Variants in PLCB1 observed in about 807,000 individuals in gnomAD.
PLCB1 encodes 1-phosphatidylinositol 4,5-bisphosphate phosphodiesterase beta-1.
In PLCB1, 46 loss-of-function variants were observed where a neutral mutation model predicts 161.8. The observed-to-expected ratio is 0.28, with a 90% CI of 0.22 to 0.36. The LOEUF (loss-of-function observed/expected upper bound fraction) is 0.36, where lower values mean the gene tolerates loss of function less well. Among genes scored for constraint, PLCB1 ranks in the 10% least tolerant of loss-of-function variants. The probability of loss-of-function intolerance (pLI) is 1.00; values close to 1 mark genes in which losing one functional copy is unlikely to be tolerated. For missense variants in PLCB1, 1,016 were observed against 1,472.5 expected, an observed-to-expected ratio of 0.69 and a Z score of 5.07; for synonymous variants, 517 against 503.7, an observed-to-expected ratio of 1.03 and a Z score of -0.35.
intron 2 of PLCB1, among the ~76,000 whole-genome samples, chr20:8,283,730 A>G (rs1982986451): frequency 6.6e-6 from 1 of 151,994 alleles, no homozygotes; most frequent in Admixed American, 6.6e-5. Flanking sequence ...TGCATCAAAT[A>G]TTTCTCACTA....
intron 2 of PLCB1, among the ~76,000 whole-genome samples, chr20:8,293,959 A>C (rs1280763750): frequency 1.3e-5 from 2 of 152,114 alleles, no homozygotes; most frequent in East Asian, 1.9e-4. Flanking sequence ...CATCTAGAAG[A>C]TCTATTTGAG....
intron 3 of PLCB1, among the ~76,000 whole-genome samples, chr20:8,523,800 G>C (rs1418335951): frequency 6.6e-6 from 1 of 151,848 alleles, no homozygotes; most frequent in African/African-American, 2.4e-5. Flanking sequence ...CTTGTGCATT[G>C]TCAGAGTTGA....
rs117432547 is a variant in PLCB1, at chr20:8,159,111, G to A, written c.177+8740G>A. On this transcript the variant is annotated intron_variant, in intron 2 of 31. Coordinates refer to ENST00000338037, the MANE Select transcript of PLCB1 (RefSeq NM_015192.4). ...ATTTCCCTTCTGCACTGCCCTAGCCGAGACTCTCCATGAGAGCACCACCCC... is the reference window on the plus strand; with the variant it reads ...ATTTCCCTTCTGCACTGCCCTAGCCAAGACTCTCCATGAGAGCACCACCCC... Among the ~76,000 whole-genome samples, 38 of 152,264 alleles carry A rather than the reference G, an allele frequency of 2.5e-4. No homozygotes were observed. In the East Asian group the frequency reaches 6.2e-3, roughly 25 times the overall value.
chr20:8,315,723 C>CTTGTGTCTGCCGGTCTTGCTTA, intron 2 of PLCB1, among the ~76,000 whole-genome samples: 1 of 152,142 alleles, frequency 6.6e-6, no homozygotes, highest in Non-Finnish European at 1.5e-5. Flanking sequence ...TTACATATTT[C>CTTGTGTCTGCCGGTCTTGCTTA]CTGCTATTCT....
At chr20:8,453,754 T>C (rs1374703892) in intron 3 of PLCB1, among the ~76,000 whole-genome samples, 1 of 152,018 alleles carries the variant, frequency 6.6e-6, no homozygotes, top group African/African-American at 2.4e-5. Flanking sequence ...GGATAAACCA[T>C]GTAGAAATCT....
intron 9 of PLCB1, among the ~76,000 whole-genome samples, chr20:8,674,868 T>A (rs1990035881): frequency 6.6e-6 from 1 of 151,954 alleles, no homozygotes; most frequent in African/African-American, 2.4e-5. Context: ...TGGAAAAGAG[T>A]AAGAGGGACT....
chr20:8,531,007 G>T (rs1207431006), intron 3 of PLCB1, among the ~76,000 whole-genome samples: 2 of 151,676 alleles, frequency 1.3e-5, no homozygotes, highest in Non-Finnish European at 2.9e-5. Context: ...ATTTTTATTA[G>T]GTGACAGTAA....
At chr20:8,347,153 A>C (rs573617321) in intron 2 of PLCB1, among the ~76,000 whole-genome samples, 2 of 152,346 alleles carry the variant, frequency 1.3e-5, no homozygotes, top group South Asian at 4.1e-4. Flanking sequence ...AAAAGAATTA[A>C]GAATATGCTG....
chr20:8,470,536 C>G (rs1196588207), intron 3 of PLCB1, among the ~76,000 whole-genome samples: 1 of 152,166 alleles, frequency 6.6e-6, no homozygotes, highest in South Asian at 2.1e-4. Context: ...TGTGCATTTG[C>G]TTACTTTGTT....
At chr20:8,723,456 A>G (rs898956303) in intron 15 of PLCB1, among the ~76,000 whole-genome samples, 8 of 152,186 alleles carry the variant, frequency 5.3e-5, no homozygotes, top group Non-Finnish European at 8.8e-5. Context: ...AAAATGTGAG[A>G]CAATATTAGA....
intron 3 of PLCB1, among the ~76,000 whole-genome samples, chr20:8,608,846 A>AT (rs1191234240): frequency 6.6e-6 from 1 of 152,134 alleles, no homozygotes; most frequent in Non-Finnish European, 1.5e-5. Flanking sequence ...ATTTGAATGA[A>AT]TTCACTATTT....
At chr20:8,398,220 C>T (rs1439350775) in intron 3 of PLCB1, among the ~76,000 whole-genome samples, 2 of 152,034 alleles carry the variant, frequency 1.3e-5, no homozygotes, top group South Asian at 2.1e-4. Context: ...CATGTATATA[C>T]ATACATATAT....
chr20:8,554,400 A>G (rs1251055166), intron 3 of PLCB1, among the ~76,000 whole-genome samples: 1 of 152,204 alleles, frequency 6.6e-6, no homozygotes, highest in African/African-American at 2.4e-5. Context: ...CGGTATAATC[A>G]CATAATGGAA....
chr20:8,702,796 A>C (rs1352749888), intron 11 of PLCB1, among the ~76,000 whole-genome samples: 1 of 152,226 alleles, frequency 6.6e-6, no homozygotes, highest in Admixed American at 6.5e-5. Flanking sequence ...CTTAAAAGCT[A>C]TAACTGGTTT....
intron 3 of PLCB1, among the ~76,000 whole-genome samples, chr20:8,405,939 T>C (rs1196532821): frequency 2.0e-5 from 3 of 152,174 alleles, no homozygotes; most frequent in African/African-American, 7.2e-5. Flanking sequence ...ACCATGTTGA[T>C]AGATTGAAAT....
At chr20:8,295,611 G>A (rs1441632272) in intron 2 of PLCB1, among the ~76,000 whole-genome samples, 1 of 152,098 alleles carries the variant, frequency 6.6e-6, no homozygotes, top group African/African-American at 2.4e-5. Flanking sequence ...TTTCTAGATT[G>A]ATCTATAGCC....
chr20:8,477,469 A>G (rs1982328596), intron 3 of PLCB1, among the ~76,000 whole-genome samples: 1 of 152,168 alleles, frequency 6.6e-6, no homozygotes, highest in African/African-American at 2.4e-5. Flanking sequence ...AACACCAAAA[A>G]TGTATCAACT....
chr20:8,757,730 T>G (rs2123564509), intron 24 of PLCB1, among the ~76,000 whole-genome samples: 1 of 152,258 alleles, frequency 6.6e-6, no homozygotes, highest in South Asian at 2.1e-4. Context: ...GATAAAGTAC[T>G]TATTGAAGGC....
intron 2 of PLCB1, among the ~76,000 whole-genome samples, chr20:8,237,753 A>C (rs1480345206): frequency 1.3e-5 from 2 of 152,104 alleles, no homozygotes; most frequent in African/African-American, 4.8e-5. Flanking sequence ...TCTGCAATAT[A>C]ATCAGGCACC....
Sources: gnomAD v4.1 joint callset for allele counts (sites outside exome capture counted in the v4.1 genomes callset) on GRCh38, gnomAD v4.1.1 for gene constraint, MANE v1.5 for transcripts, NCBI Gene and HGNC (gene_info 2026-07-23, HGNC 2026-07-21) for gene names.